The following CDK14 variants were observed in gnomAD, a reference collection of about 807,000 sequenced individuals.
CDK14 encodes cyclin-dependent kinase 14.
CDK14 carries 34 observed loss-of-function variants against 60.7 expected under a neutral mutation model. The ratio of observed to expected loss-of-function variants is 0.56; its 90% CI spans 0.43 to 0.75. The LOEUF (loss-of-function observed/expected upper bound fraction) is 0.75. CDK14 is among the 30% of genes least tolerant of loss of function. CDK14 has a pLI of 0.00. For synonymous variants in CDK14, 197 were observed against 203.7 expected (o/e 0.97, Z 0.28); for missense variants, 482 against 564.1 (o/e 0.85, Z 1.47).
intron 5 of CDK14, among the ~76,000 whole-genome samples, chr7:90,826,107 A>G (rs1789713167): frequency 6.6e-6 from 1 of 152,254 alleles, no homozygotes; most frequent in Admixed American, 6.5e-5. Context: ...TCAGTAAACT[A>G]GGACAAAGCT....
intron 2 of CDK14, among the ~76,000 whole-genome samples, chr7:90,625,407 G>A (rs1799856606): frequency 1.3e-5 from 2 of 152,132 alleles, no homozygotes; most frequent in African/African-American, 4.8e-5. Flanking sequence ...GCTTTCAGTT[G>A]GTTAGTTTCT....
intron 7 of CDK14, among the ~76,000 whole-genome samples, chr7:90,916,123 C>G (rs1193005614): frequency 2.0e-5 from 3 of 152,056 alleles, no homozygotes; most frequent in Non-Finnish European, 4.4e-5. Context: ...CTCTTTCCTT[C>G]TAAACTAAAG....
At chr7:90,777,229 A>G (rs1393690278) in intron 4 of CDK14, among the ~76,000 whole-genome samples, 1 of 152,222 alleles carries the variant, frequency 6.6e-6, no homozygotes, top group African/African-American at 2.4e-5. Flanking sequence ...CAGGCTGTTC[A>G]GCTATACCTG....
At chr7:90,846,592 G>T (rs1790477665) in intron 5 of CDK14, among the ~76,000 whole-genome samples, 1 of 152,086 alleles carries the variant, frequency 6.6e-6, no homozygotes, top group African/African-American at 2.4e-5. Context: ...ATTTATTGAG[G>T]TAGTAAGAAC....
rs1372267987 is a variant in CDK14 at position 90,809,174 on chromosome 7, T to C, written c.544+18522T>C. ...CCAAATCAACAGAATATACATTCTT[T>C]TCAGCACCACACCACACCTATTCCA... On this transcript the variant is annotated intron_variant, in intron 5 of 14. Transcript: ENST00000380050. Among the ~76,000 whole-genome samples, 3 of 152,234 alleles carry C rather than the reference T, an allele frequency of 2.0e-5. No homozygotes were observed. In the East Asian group the frequency reaches 5.8e-4, roughly 29 times the overall value.
At chr7:91,162,088 G>C (rs999223093) in intron 14 of CDK14, among the ~76,000 whole-genome samples, 2 of 152,274 alleles carry the variant, frequency 1.3e-5, no homozygotes, top group Middle Eastern at 3.4e-3. Context: ...AGAAAGAGAG[G>C]CACATAAAAG....
At chr7:90,974,047 G>A (rs563231360) in intron 9 of CDK14, among the ~76,000 whole-genome samples, 6 of 152,162 alleles carry the variant, frequency 3.9e-5, no homozygotes, top group East Asian at 3.9e-4. Flanking sequence ...CAGAGCAGCC[G>A]TCTATAGACC....
In CDK14 at chr7:90,742,367, G is replaced by A. The variant is rs555739412; in HGVS notation, c.370-5314G>A. On this transcript the variant is annotated intron_variant, in intron 3 of 14. Coordinates refer to ENST00000380050, the MANE Select transcript of CDK14 (RefSeq NM_001287135.2). ...ATTTTGAATATTTTGGTATAAAGCT[G>A]TTCATAGTGTTCCAGGTTAATTAAT... is the stretch of plus-strand genomic sequence containing the variant. 3.9e-5 allele frequency among the ~76,000 whole-genome samples: 6 copies of A among 152,040 alleles called. No homozygotes were observed. The East Asian group carries it at 9.6e-4, about 24-fold the overall frequency.
chr7:90,831,610 T>C (rs955138666), intron 5 of CDK14, among the ~76,000 whole-genome samples: 3 of 152,172 alleles, frequency 2.0e-5, no homozygotes, highest in Admixed American at 2.0e-4. Flanking sequence ...AGAATAGATC[T>C]GGAATCTGAC....
intron 14 of CDK14, among the ~76,000 whole-genome samples, chr7:91,171,109 G>A (rs764294438): frequency 1.3e-5 from 2 of 152,102 alleles, no homozygotes; most frequent in Non-Finnish European, 2.9e-5. Flanking sequence ...CAGCACTGTG[G>A]GAGGCCGAGG....
chr7:90,787,825 A>G (rs1394696463), intron 4 of CDK14, among the ~76,000 whole-genome samples: 4 of 152,230 alleles, frequency 2.6e-5, no homozygotes, highest in Non-Finnish European at 5.9e-5. Flanking sequence ...TATGAATTCC[A>G]TGAACCTAGG....
At chr7:91,000,267 A>C (rs944096265) in intron 10 of CDK14, among the ~76,000 whole-genome samples, 1 of 152,200 alleles carries the variant, frequency 6.6e-6, no homozygotes, top group Non-Finnish European at 1.5e-5. Flanking sequence ...TTAGTGTTCA[A>C]AACCCTATAC....
intron 10 of CDK14, among the ~76,000 whole-genome samples, chr7:91,008,218 A>G (rs1796048851): frequency 1.3e-5 from 2 of 151,118 alleles, no homozygotes; most frequent in African/African-American, 4.9e-5. Context: ...TTGTTGTCTG[A>G]CACTTCACAA....
At chr7:90,650,471 C>T (rs1800607869) in intron 2 of CDK14, among the ~76,000 whole-genome samples, 1 of 152,186 alleles carries the variant, frequency 6.6e-6, no homozygotes, top group African/African-American at 2.4e-5. Context: ...AATTAGATCC[C>T]ATTTGTCAAT....
chr7:90,804,060 C>A (rs1306227108), intron 5 of CDK14, among the ~76,000 whole-genome samples: 1 of 152,142 alleles, frequency 6.6e-6, no homozygotes, highest in Admixed American at 6.5e-5. Context: ...TATGGCCTTA[C>A]TATTGGGACA....
At chr7:90,925,066 C>T (rs1793374499) in intron 8 of CDK14, among the ~76,000 whole-genome samples, 1 of 151,930 alleles carries the variant, frequency 6.6e-6, no homozygotes, top group African/African-American at 2.4e-5. Context: ...TTACCACATA[C>T]CGGAAAGGAA....
At chr7:90,667,333 A>G (rs983229134) in intron 2 of CDK14, among the ~76,000 whole-genome samples, 6 of 152,284 alleles carry the variant, frequency 3.9e-5, no homozygotes, top group Admixed American at 6.5e-5. Context: ...TTAATGCACA[A>G]TTGGGCTTTT....
rs1434127807 is a variant in CDK14 at position 91,174,906 on chromosome 7, T to TCCC, written c.*29-32257_*29-32255dup. The stretch of plus-strand genomic sequence containing the variant: ...CTGCAGGATATTATCCAGGAGAACT[T>TCCC]CCCCAATCTAGCAAGGAAGGCCAAC... On this transcript the variant is annotated intron_variant, in intron 14 of 14. Transcript: ENST00000380050. Among the ~76,000 whole-genome samples the TCCC allele has an allele frequency of 2.9e-5, 4 of 139,220 alleles. No individual in the cohort carries two copies. In the East Asian group the frequency reaches 6.1e-4, roughly 21 times the overall value. 91.3% of individuals were successfully genotyped at this position (139,220 alleles called of 152,430 possible).
Position 91,110,863 on chromosome 7 carries a change from C to T in CDK14, c.1155-1679C>T, listed in dbSNP as rs376828386. Among the ~76,000 whole-genome samples, 49 of 152,176 alleles carry T rather than the reference C, an allele frequency of 3.2e-4. 2 individuals carry two copies. The South Asian group carries it at 9.1e-3, about 28-fold the overall frequency. Reference sequence around the variant, plus strand: ...CTGTACATTCAATATAACTTTTAACCATGAAGCCTATCTCAAACTTTGCGT... The same window carrying T: ...CTGTACATTCAATATAACTTTTAACTATGAAGCCTATCTCAAACTTTGCGT... On this transcript the variant is annotated intron_variant, in intron 12 of 14. Coordinates refer to ENST00000380050, the MANE Select transcript of CDK14 (RefSeq NM_001287135.2).
Sources: allele counts gnomAD v4.1 joint callset (sites outside exome capture counted in the v4.1 genomes callset), GRCh38; gene constraint gnomAD v4.1.1; transcripts MANE v1.5; gene names NCBI Gene and HGNC (gene_info 2026-07-23, HGNC 2026-07-21).